CSMD1: variants seen among roughly 807,000 people sequenced by gnomAD.
CSMD1 encodes CUB and sushi domain-containing protein 1.
CSMD1 carries 213 observed loss-of-function variants against 417.5 expected under a neutral mutation model. The ratio of observed to expected loss-of-function variants is 0.51; its 90% CI spans 0.46 to 0.57. CSMD1 has a LOEUF of 0.57. CSMD1 is among the 20% of genes least tolerant of loss of function. The probability of loss-of-function intolerance (pLI) is 0.00; values close to 1 mark genes in which losing one functional copy is unlikely to be tolerated. For synonymous variants in CSMD1, 2,862 were observed against 1,736.8 expected (o/e 1.65, Z -16.11); for missense variants, 6,923 against 4,529.7 (o/e 1.53, Z -15.17).
chr8:4,066,487 T>A (rs539358503), intron 3 of CSMD1, among the ~76,000 whole-genome samples: 1 of 152,214 alleles, frequency 6.6e-6, no homozygotes, highest in African/African-American at 2.4e-5. Context: ...CATTAATTAA[T>A]CTATTGACTT....
At chr8:4,451,019 G>C (rs1006162683) in intron 2 of CSMD1, among the ~76,000 whole-genome samples, 2 of 100,482 alleles carry the variant, frequency 2.0e-5, no homozygotes, top group Admixed American at 1.8e-4. Context: ...GACCAACGTG[G>C]GGAAAAAAAA....
In CSMD1 at chr8:3,673,525, A is replaced by C. The variant is rs80129182; in HGVS notation, c.1009+34889T>G. Reference sequence around the variant, plus strand: ...TGTTCATAAACATTTTACAGGAGAAAGTGTTTGCATCTTCAATATTTCACA... The same window carrying C: ...TGTTCATAAACATTTTACAGGAGAACGTGTTTGCATCTTCAATATTTCACA... On this transcript the variant is annotated intron_variant, in intron 7 of 69. Transcript: ENST00000635120. 5.6e-3 allele frequency among the ~76,000 whole-genome samples: 853 copies of C among 152,320 alleles called. 4 individuals carry two copies. Among genetic ancestry groups the C allele is most frequent in the Non-Finnish European group, 7.0e-3 (477 of 68,030 alleles).
intron 17 of CSMD1, among the ~76,000 whole-genome samples, chr8:3,394,012 T>TTTTA (rs1491090138): frequency 1.9e-4 from 6 of 31,620 alleles, no homozygotes; most frequent in Admixed American, 4.4e-4. Context: ...AAAAAATAAA[T>TTTTA]TATATATATA....
At chr8:3,693,373 A>C (rs1237247413) in intron 7 of CSMD1, among the ~76,000 whole-genome samples, 1 of 152,188 alleles carries the variant, frequency 6.6e-6, no homozygotes, top group South Asian at 2.1e-4. Flanking sequence ...AAATCCGAGT[A>C]ATGTGGAATA....
intron 3 of CSMD1, among the ~76,000 whole-genome samples, chr8:4,247,182 A>G (rs193082511): frequency 4.5e-4 from 69 of 152,304 alleles, no homozygotes; most frequent in African/African-American, 1.5e-3. Flanking sequence ...GCTCTATAAC[A>G]CAGTTTGCAT....
intron 3 of CSMD1, among the ~76,000 whole-genome samples, chr8:4,397,523 C>CTGGACTCTT (rs1804327704): frequency 1.7e-5 from 1 of 59,934 alleles, no homozygotes; most frequent in Admixed American, 2.6e-4. Flanking sequence ...GCCTGAGACT[C>CTGGACTCTT]TTTTTTTTTT....
At chr8:4,720,215 G>A (rs943532487) in intron 1 of CSMD1, among the ~76,000 whole-genome samples, 2 of 151,108 alleles carry the variant, frequency 1.3e-5, no homozygotes, top group Non-Finnish European at 1.5e-5. Context: ...GTTCCTTGAT[G>A]TTTCTTAGTA....
At chr8:3,837,547 G>C (rs1049845934) in intron 5 of CSMD1, among the ~76,000 whole-genome samples, 2 of 152,124 alleles carry the variant, frequency 1.3e-5, no homozygotes, top group African/African-American at 4.8e-5. Context: ...CAGCCCCCAA[G>C]ATAACATTAC....
chr8:4,532,426 G>A (rs1463965342), intron 2 of CSMD1, among the ~76,000 whole-genome samples: 1 of 136,942 alleles, frequency 7.3e-6, no homozygotes, highest in East Asian at 2.3e-4. Flanking sequence ...AATAAATCCT[G>A]CACCTTCATT....
intron 49 of CSMD1, among the ~76,000 whole-genome samples, chr8:3,071,449 C>T (rs757461811): frequency 1.3e-5 from 2 of 152,054 alleles, no homozygotes; most frequent in Non-Finnish European, 2.9e-5. Flanking sequence ...AGCAAACCAC[C>T]ATGGCACATG....
intron 12 of CSMD1, among the ~76,000 whole-genome samples, chr8:3,454,656 C>T (rs893390278): frequency 6.6e-6 from 1 of 152,222 alleles, no homozygotes. Context: ...TCTCTTCTGG[C>T]TTGTAGAGTT....
intron 11 of CSMD1, among the ~76,000 whole-genome samples, chr8:3,486,404 G>C (rs756335939): frequency 6.6e-6 from 1 of 152,162 alleles, no homozygotes; most frequent in African/African-American, 2.4e-5. Context: ...CAAAATAGTA[G>C]CATCCTTCGA....
At chr8:3,053,262 A>T (rs533615343) in intron 49 of CSMD1, among the ~76,000 whole-genome samples, 68 of 152,278 alleles carry the variant, frequency 4.5e-4, no homozygotes, top group Middle Eastern at 3.4e-3. Flanking sequence ...ATTTTATCAG[A>T]GGGTGTGGCC....
rs981462146 is a variant in CSMD1 at position 4,175,284 on chromosome 8, T to A, written c.416-143185A>T. On this transcript the variant is annotated intron_variant, in intron 3 of 69. Transcript: ENST00000635120. ...ATATTTAATTATCTCTGCTGATGGGTCATATCCTTAGGACAGTGAATCTTC... is the reference window on the plus strand; with the variant it reads ...ATATTTAATTATCTCTGCTGATGGGACATATCCTTAGGACAGTGAATCTTC... 1.3e-5 allele frequency among the ~76,000 whole-genome samples: 2 copies of A among 152,170 alleles called. 1 individual carries two copies. The highest frequency in any genetic ancestry group is 4.8e-5 in the African/African-American group (2 of 41,424).
intron 3 of CSMD1, among the ~76,000 whole-genome samples, chr8:4,255,224 T>C (rs1803370545): frequency 6.6e-6 from 1 of 152,280 alleles, no homozygotes; most frequent in South Asian, 2.1e-4. Flanking sequence ...GCGCATGCAG[T>C]CCCTATGGAT....
intron 12 of CSMD1, among the ~76,000 whole-genome samples, chr8:3,414,009 C>T (rs768431886): frequency 6.6e-6 from 1 of 151,464 alleles, no homozygotes; most frequent in Admixed American, 6.6e-5. Flanking sequence ...AATGGTGGTG[C>T]ACGCCTGGAA....
At position 4,633,244 on chromosome 8, in the gene CSMD1, CGTTT is replaced by C. The variant is rs5889047; in HGVS notation, c.302+4094_302+4097del. On this transcript the variant is annotated intron_variant, in intron 2 of 69. Transcript: ENST00000635120. ...ATGGAAAGGTGTTTTTTTATGTGTT[CGTTT>C]GTTTCTTTGTTTTTTTTTGATGGAG... Among the ~76,000 whole-genome samples, 1,275 of 151,712 alleles carry C rather than the reference CGTTT, an allele frequency of 8.4e-3. 13 individuals carry two copies. The highest frequency in any genetic ancestry group is 0.012 in the Non-Finnish European group (816 of 67,832).
intron 40 of CSMD1, among the ~76,000 whole-genome samples, chr8:3,142,900 G>T (rs1365018159): frequency 6.6e-6 from 1 of 152,192 alleles, no homozygotes; most frequent in Non-Finnish European, 1.5e-5. Flanking sequence ...CTCACGTCCA[G>T]AAGTCAATTT....
At chr8:3,964,867 T>C (rs941722389) in intron 5 of CSMD1, among the ~76,000 whole-genome samples, 9 of 152,320 alleles carry the variant, frequency 5.9e-5, no homozygotes, top group African/African-American at 1.9e-4. Flanking sequence ...TTTGAAAAAG[T>C]GTGATTGCAT....
Sources: allele counts gnomAD v4.1 joint callset (sites outside exome capture counted in the v4.1 genomes callset), GRCh38; gene constraint gnomAD v4.1.1; transcripts MANE v1.5; gene names NCBI Gene and HGNC (gene_info 2026-07-23, HGNC 2026-07-21).